GRK5: variants seen among roughly 807,000 people sequenced by gnomAD.
GRK5 encodes the protein G protein-coupled receptor kinase 5, also known as g protein-coupled receptor kinase GRK5.
Under a neutral mutation model 78.4 loss-of-function variants are expected in GRK5, and 40 were observed. The observed-to-expected ratio is 0.51, with a 90% confidence interval of 0.40 to 0.66. GRK5 has a LOEUF of 0.66. Ranked by LOEUF, GRK5 falls within the 30% of genes least tolerant of loss-of-function variation. GRK5 has a pLI of 0.00. For synonymous variants in GRK5, 289 were observed against 296.8 expected (o/e 0.97, Z 0.27); for missense variants, 598 against 759.9 (o/e 0.79, Z 2.50).
intron 1 of GRK5, among the ~76,000 whole-genome samples, chr10:119,227,929 C>T (rs1367647760): frequency 6.6e-5 from 10 of 151,998 alleles, no homozygotes; most frequent in Admixed American, 6.6e-4. Flanking sequence ...AATTGGGTAA[C>T]CCTTGACCTT....
At chr10:119,367,481 G>A (rs1240099428) in intron 2 of GRK5, among the ~76,000 whole-genome samples, 1 of 152,216 alleles carries the variant, frequency 6.6e-6, no homozygotes, top group Non-Finnish European at 1.5e-5. Context: ...GGGTCCCAGC[G>A]AGTTAAACCC....
At chr10:119,228,042 A>G (rs1848768400) in intron 1 of GRK5, among the ~76,000 whole-genome samples, 1 of 152,194 alleles carries the variant, frequency 6.6e-6, no homozygotes, top group Admixed American at 6.5e-5. Flanking sequence ...TTAATTGGAA[A>G]CAGTTCCAAT....
chr10:119,338,715 A>C (rs2133780872), intron 2 of GRK5, among the ~76,000 whole-genome samples: 1 of 151,552 alleles, frequency 6.6e-6, no homozygotes, highest in East Asian at 1.9e-4. Flanking sequence ...CCCAGCATCC[A>C]CCCAGGCCCC....
At chr10:119,359,428 G>C (rs975057911) in intron 2 of GRK5, among the ~76,000 whole-genome samples, 5 of 152,246 alleles carry the variant, frequency 3.3e-5, no homozygotes, top group African/African-American at 1.2e-4. Flanking sequence ...GCTGTGGGTT[G>C]ATGCAGCAAA....
chr10:119,369,022 A>G (rs1353300340), intron 2 of GRK5, among the ~76,000 whole-genome samples: 2 of 152,182 alleles, frequency 1.3e-5, no homozygotes, highest in Non-Finnish European at 2.9e-5. Context: ...TCATTCATTC[A>G]TTTTAGATAA....
chr10:119,296,224 G>A (rs188597054), intron 1 of GRK5, among the ~76,000 whole-genome samples: 7 of 152,278 alleles, frequency 4.6e-5, no homozygotes, highest in Non-Finnish European at 7.3e-5. Flanking sequence ...CAGGCGTCAC[G>A]TCTAGTCCCA....
chr10:119,404,357 G>A (rs930143040), intron 4 of GRK5, among the ~76,000 whole-genome samples: 1 of 152,080 alleles, frequency 6.6e-6, no homozygotes, highest in Non-Finnish European at 1.5e-5. Flanking sequence ...TTTTTGAATT[G>A]GGTTGTTTGT....
chr10:119,245,446 T>C (rs1849091957), intron 1 of GRK5, among the ~76,000 whole-genome samples: 1 of 152,172 alleles, frequency 6.6e-6, no homozygotes, highest in Admixed American at 6.6e-5. Context: ...TATCCAGCCT[T>C]ATTAAAAAGG....
At chr10:119,354,395 CTTTTTT>C (rs60146483) in intron 2 of GRK5, among the ~76,000 whole-genome samples, 6 of 87,818 alleles carry the variant, frequency 6.8e-5, no homozygotes, top group Admixed American at 1.6e-4. Flanking sequence ...CCTACATCTC[CTTTTTT>C]TTTTTTTTTT....
At chr10:119,350,838 C>A (rs1851176126) in intron 2 of GRK5, among the ~76,000 whole-genome samples, 1 of 152,188 alleles carries the variant, frequency 6.6e-6, no homozygotes, top group Non-Finnish European at 1.5e-5. Context: ...ATGCACGCAG[C>A]ACAGCAGAAG....
At chr10:119,313,030 C>CGTGACGGTGATGGT (rs1850397225) in intron 1 of GRK5, among the ~76,000 whole-genome samples, 1 of 3,204 alleles carries the variant, frequency 3.1e-4, no homozygotes, top group Non-Finnish European at 8.3e-4. Flanking sequence ...GTGGTAATGG[C>CGTGACGGTGATGGT]AGTGGTGATG....
Position 119,290,240 on chromosome 10 carries a change from G to A in GRK5, c.53-36276G>A, listed in dbSNP as rs558678237. 6.0e-5 allele frequency among the ~76,000 whole-genome samples: 9 copies of A among 151,010 alleles called. No homozygotes were observed. In the South Asian group the frequency reaches 1.7e-3, roughly 28 times the overall value. On this transcript the variant is annotated intron_variant, in intron 1 of 15. Transcript: ENST00000392870. ...CGGGTGCCTGTAGTCCCGGTGACTC[G>A]AGAGGCTGAGGCAGGAGAATCGCTT...
Position 119,253,673 on chromosome 10 carries a change from C to A in GRK5, c.52+45704C>A, listed in dbSNP as rs1018974441. On this transcript the variant is annotated intron_variant, in intron 1 of 15. Transcript: ENST00000392870. This position sits in a 1 kb window ranked among gnomAD's most constrained non-coding sequence, Gnocchi z 5.7. ...GCTCTTTTTTCACTGTGGCTCTGGG[C>A]AGCCCAGCCCAGCTCCGGGGTGGAT... 6.6e-6 allele frequency among the ~76,000 whole-genome samples: 1 copy of A among 152,176 alleles called. No homozygotes were observed. Among genetic ancestry groups the A allele is most frequent in the African/African-American group, 2.4e-5 (1 of 41,436 alleles).
At chr10:119,274,090 C>T (rs893499611) in intron 1 of GRK5, among the ~76,000 whole-genome samples, 1 of 152,096 alleles carries the variant, frequency 6.6e-6, no homozygotes, top group African/African-American at 2.4e-5. Flanking sequence ...GGGTTTGTGT[C>T]ATAAGTGAGA....
Position 119,227,197 on chromosome 10 carries a change from A to G in GRK5, c.52+19228A>G, listed in dbSNP as rs570954137. On this transcript the variant is annotated intron_variant, in intron 1 of 15. Coordinates refer to ENST00000392870, the MANE Select transcript of GRK5 (RefSeq NM_005308.3). ...TATCATCACATAGGAATAATGCCCT[A>G]TTGATCACAGAGACCAAATAAAAAA... Among the ~76,000 whole-genome samples the G allele has an allele frequency of 1.1e-4, 16 of 152,282 alleles. No homozygotes were observed. The South Asian group carries it at 2.7e-3, about 26-fold the overall frequency.
At chr10:119,308,454 C>T (rs989563010) in intron 1 of GRK5, among the ~76,000 whole-genome samples, 5 of 152,176 alleles carry the variant, frequency 3.3e-5, no homozygotes, top group African/African-American at 9.7e-5. Context: ...ATGGGCCAGG[C>T]GTGTGCCCCC....
At chr10:119,439,682 T>TG (rs752147436) in intron 9 of GRK5, 49 bp from the exon 10 acceptor site, 1 of 1,605,426 alleles carries the variant, frequency 6.2e-7, no homozygotes, top group Non-Finnish European at 8.5e-7. Flanking sequence ...CAGTGTATCC[T>TG]ACCTGCCCAG....
intron 2 of GRK5, among the ~76,000 whole-genome samples, chr10:119,372,825 C>G (rs778116110): frequency 2.0e-5 from 3 of 152,208 alleles, no homozygotes; most frequent in Non-Finnish European, 4.4e-5. Context: ...CAAGTAAAGA[C>G]TCAGATTGGT....
chr10:119,303,133 G>T (rs941022054), intron 1 of GRK5, among the ~76,000 whole-genome samples: 5 of 152,226 alleles, frequency 3.3e-5, no homozygotes, highest in African/African-American at 1.2e-4. Context: ...TCTAGGATCA[G>T]CAGTGACCAG....
Sources: gnomAD v4.1 joint callset for allele counts (sites outside exome capture counted in the v4.1 genomes callset) on GRCh38, gnomAD v4.1.1 for gene constraint, Gnocchi (gnomAD v3.1) non-coding constraint, MANE v1.5 for transcripts, NCBI Gene and HGNC (gene_info 2026-07-23, HGNC 2026-07-21) for gene names.